SPATA6: variants seen among roughly 807,000 people sequenced by gnomAD.
The protein encoded by SPATA6 is spermatogenesis-associated protein 6.
Under a neutral mutation model 65.3 loss-of-function variants are expected in SPATA6, and 56 were observed. The observed-to-expected ratio is 0.86, with a 90% CI of 0.69 to 1.07. The LOEUF (loss-of-function observed/expected upper bound fraction) is 1.07, where lower values mean the gene tolerates loss of function less well. Ranked by LOEUF, SPATA6 falls within the 50% of genes least tolerant of loss-of-function variation. SPATA6 has a pLI of 0.00. For missense variants in SPATA6, 590 were observed against 594.8 expected (o/e 0.99, Z 0.08); for synonymous variants, 199 against 213.2 (o/e 0.93, Z 0.58).
intron 9 of SPATA6, among the ~76,000 whole-genome samples, chr1:48,371,270 T>TAGATAGATAGATAG (rs1647252411): frequency 7.6e-6 from 1 of 131,600 alleles, no homozygotes; most frequent in Non-Finnish European, 1.7e-5. Flanking sequence ...TATGTATCTA[T>TAGATAGATAGATAG]ATAGATAGAT....
intron 3 of SPATA6, among the ~76,000 whole-genome samples, chr1:48,423,564 C>CTTTTTTTTTTTTTT (rs781669150): frequency 9.9e-5 from 12 of 121,064 alleles, no homozygotes; most frequent in African/African-American, 2.1e-4. Context: ...TTCTTTCTTT[C>CTTTTTTTTTTTTTT]TTTTTTTTTT....
At chr1:48,279,516 G>C in the SPATA6 span, among the ~76,000 whole-genome samples, 2 of 152,036 alleles carry the variant, frequency 1.3e-5, no homozygotes, top group Non-Finnish European at 2.9e-5. Flanking sequence ...AACAAAAAAA[G>C]GCAGGGGTTG....
rs1482010801 is a variant in SPATA6, at chr1:48,372,625, G to C, written c.909+12684C>G. 7.2e-5 allele frequency among the ~76,000 whole-genome samples: 11 copies of C among 152,212 alleles called. No individual in the cohort carries two copies. The East Asian group carries it at 1.7e-3, about 24-fold the overall frequency. On this transcript the variant is annotated intron_variant, in intron 9 of 12. Coordinates refer to ENST00000371847, the MANE Select transcript of SPATA6 (RefSeq NM_019073.4). Reference sequence around the variant, plus strand: ...ACTCCACCAGGCAGTGCCCCAGTAGGGACTCTGTGTGGGGGCTCCTCTGCA... The same window carrying C: ...ACTCCACCAGGCAGTGCCCCAGTAGCGACTCTGTGTGGGGGCTCCTCTGCA...
chr1:48,331,923 CA>C (rs756221484), intron 11 of SPATA6, among the ~76,000 whole-genome samples: 1 of 152,148 alleles, frequency 6.6e-6, no homozygotes, highest in Non-Finnish European at 1.5e-5. Flanking sequence ...CTGTATTCAA[CA>C]GTCGTAAAGA....
In SPATA6 at chr1:48,409,762, C is replaced by T. The variant is rs1048493923; in HGVS notation, c.405+1702G>A. On this transcript the variant is annotated intron_variant, in intron 5 of 12. Transcript: ENST00000371847. ...GGCTTGAGGCCTGCACCCTCTGAAGCCACGACCCAAGCTCTATGTTAGCCC... is the reference window on the plus strand; with the variant it reads ...GGCTTGAGGCCTGCACCCTCTGAAGTCACGACCCAAGCTCTATGTTAGCCC... 2.6e-5 allele frequency among the ~76,000 whole-genome samples: 4 copies of T among 152,370 alleles called. No individual in the cohort carries two copies. In the South Asian group the frequency reaches 6.2e-4, roughly 24 times the overall value.
intron 5 of SPATA6, among the ~76,000 whole-genome samples, chr1:48,409,752 C>T (rs1232289486): frequency 1.2e-4 from 18 of 152,268 alleles, no homozygotes; most frequent in Admixed American, 1.1e-3. Context: ...GAGGCCTGCA[C>T]CCTCTGAAGC....
At chr1:48,366,104 T>A (rs1396493981) in intron 9 of SPATA6, among the ~76,000 whole-genome samples, 1 of 152,246 alleles carries the variant, frequency 6.6e-6, no homozygotes, top group Non-Finnish European at 1.5e-5. Flanking sequence ...ATTTATTGAT[T>A]TGCGTATGTT....
intron 5 of SPATA6, among the ~76,000 whole-genome samples, chr1:48,407,463 C>G (rs1376723692): frequency 2.6e-5 from 4 of 152,184 alleles, no homozygotes; most frequent in African/African-American, 9.7e-5. Flanking sequence ...GAATCCACCA[C>G]AGTTAGCTGG....
intron 3 of SPATA6, among the ~76,000 whole-genome samples, chr1:48,414,090 A>C (rs572311590): frequency 6.6e-6 from 1 of 152,214 alleles, no homozygotes; most frequent in Admixed American, 6.5e-5. Context: ...CACTTCCAGC[A>C]TGACTAGTGA....
chr1:48,417,984 T>C (rs1165300499), intron 3 of SPATA6, among the ~76,000 whole-genome samples: 1 of 152,170 alleles, frequency 6.6e-6, no homozygotes, highest in Non-Finnish European at 1.5e-5. Flanking sequence ...TATGGAAGGA[T>C]TCTGATTATA....
At chr1:48,399,730 A>G (rs1650981796) in intron 6 of SPATA6, 86 bp from the exon 7 acceptor site, 2 of 1,260,204 alleles carry the variant, frequency 1.6e-6, no homozygotes, top group Admixed American at 2.8e-5. Context: ...AGTAATTTAA[A>G]TAAGACGCAA....
chr1:48,352,563 T>C (rs895030755), intron 11 of SPATA6, among the ~76,000 whole-genome samples: 2 of 151,964 alleles, frequency 1.3e-5, no homozygotes, highest in African/African-American at 4.8e-5. Flanking sequence ...AATATGAATA[T>C]AGGCATAAGA....
rs952818306 is a variant in SPATA6, at chr1:48,355,655, A to AT, written c.1194+14dup. ...TATTATAAATAGTCTTCAAAAAAAA[A>AT]TTTTAGAAACTAACATATAAATGTC... On this transcript the variant is annotated intron_variant, in intron 11 of 12. Coordinates refer to ENST00000371847, the MANE Select transcript of SPATA6 (RefSeq NM_019073.4). The AT allele has an allele frequency of 1.3e-6, 2 of 1,591,944 alleles. No homozygotes were observed. Among genetic ancestry groups the AT allele is most frequent in the Non-Finnish European group, 1.7e-6 (2 of 1,167,028 alleles).
chr1:48,438,505 G>A (rs1006694406), intron 3 of SPATA6, among the ~76,000 whole-genome samples: 6 of 152,120 alleles, frequency 3.9e-5, no homozygotes, highest in African/African-American at 1.2e-4. Context: ...ACCAGCTTCC[G>A]CTTTTCCTGT....
intron 9 of SPATA6, among the ~76,000 whole-genome samples, chr1:48,369,854 A>C (rs926896738): frequency 6.6e-6 from 1 of 152,020 alleles, no homozygotes; most frequent in African/African-American, 2.4e-5. Context: ...TGCAGAAATC[A>C]CCCATTTTCT....
the SPATA6 span, among the ~76,000 whole-genome samples, chr1:48,272,187 T>C: frequency 6.6e-6 from 1 of 152,180 alleles, no homozygotes; most frequent in African/African-American, 2.4e-5. Context: ...CCATTTGTGT[T>C]TGTGTCTGTT....
At chr1:48,265,547 G>A in the SPATA6 span, among the ~76,000 whole-genome samples, 1 of 151,994 alleles carries the variant, frequency 6.6e-6, no homozygotes, top group Non-Finnish European at 1.5e-5. Flanking sequence ...CAATCCAGAT[G>A]GTGAAGAGGC....
intron 3 of SPATA6, among the ~76,000 whole-genome samples, chr1:48,427,020 G>C (rs1388924333): frequency 6.6e-6 from 1 of 151,760 alleles, no homozygotes; most frequent in Non-Finnish European, 1.5e-5. Flanking sequence ...CAAACTCCTG[G>C]GCTCAAGTGA....
chr1:48,317,629 TA>T (rs1374583933), intron 11 of SPATA6, among the ~76,000 whole-genome samples: 1 of 152,012 alleles, frequency 6.6e-6, no homozygotes, highest in Non-Finnish European at 1.5e-5. Context: ...TATATATATG[TA>T]ACAAACCTGC....
Sources: gnomAD v4.1 joint callset for allele counts (sites outside exome capture counted in the v4.1 genomes callset) on GRCh38, gnomAD v4.1.1 for gene constraint, MANE v1.5 for transcripts, NCBI Gene and HGNC (gene_info 2026-07-23, HGNC 2026-07-21) for gene names.